The following PCDHA9 variants were observed in gnomAD, a reference collection of about 807,000 sequenced individuals.
PCDHA9 encodes protocadherin alpha-9.
PCDHA9 carries 62 observed loss-of-function variants against 62.0 expected under a neutral mutation model. The ratio of observed to expected loss-of-function variants is 1.00; its 90% confidence interval spans 0.81 to 1.23. PCDHA9 has a LOEUF of 1.23. PCDHA9 is among the 50% of genes most tolerant of loss of function. The pLI is 0.00. For missense variants in PCDHA9, 1,205 were observed against 1,249.8 expected (o/e 0.96, Z 0.54); for synonymous variants, 557 against 567.6 (o/e 0.98, Z 0.27).
At position 140,941,202 on chromosome 5, in the gene PCDHA9, C is replaced by CCCTTCTTTCTTTCTTT. The variant is rs2092811279; in HGVS notation, c.2395-37746_2395-37745insCTTCTTTCTTTCTTTC. Among the ~76,000 whole-genome samples, 5 of 122,742 alleles carry CCCTTCTTTCTTTCTTT rather than the reference C, an allele frequency of 4.1e-5. No homozygotes were observed. The East Asian group carries it at 1.1e-3, about 27-fold the overall frequency. 80.5% of individuals were successfully genotyped at this position (122,742 alleles called of 152,430 possible). On this transcript the variant is annotated intron_variant, in intron 1 of 3. Transcript: ENST00000532602. ...TCCTGCTTCTTTTTTTTTCTTTCTTCCTTTCTTTCTTCCTTTCTTTCTTTC... is the reference window on the plus strand; with the variant it reads ...TCCTGCTTCTTTTTTTTTCTTTCTTCCCTTCTTTCTTTCTTTCTTTCTTTCTTCCTTTCTTTCTTTC...
intron 1 of PCDHA9, among the ~76,000 whole-genome samples, chr5:140,949,776 A>G (rs1554219139): frequency 6.6e-6 from 1 of 151,716 alleles, no homozygotes; most frequent in Non-Finnish European, 1.5e-5. Flanking sequence ...AATATTTGAT[A>G]TGTTTAGATT....
chr5:140,927,453 G>T, intron 1 of PCDHA9: 3 of 1,614,168 alleles, frequency 1.9e-6, no homozygotes, highest in Non-Finnish European at 2.5e-6. Context: ...AGTTGGTGTT[G>T]GAGAAAGCAC....
Position 140,848,532 on chromosome 5 carries a change from C to T in PCDHA9, c.37C>T (p.Pro13Ser). The stretch of plus-strand genomic sequence containing the variant: ...AAGTCGAGGAGATCCAGAGGGTCAG[C>T]CTCTACTGCTCTCGCTTCTGATCCT... ...YSSRGDPEGQ[P>S]LLLSLLILAM... Residue 13 changes from proline (P) to serine (S), a missense_variant, in exon 1 of 4, where the codon CCT becomes TCT. Coordinates refer to ENST00000532602, the MANE Select transcript of PCDHA9 (RefSeq NM_031857.2). The T allele has an allele frequency of 1.3e-6, 2 of 1,594,974 alleles. No homozygotes were observed. Among genetic ancestry groups the T allele is most frequent in the Non-Finnish European group, 1.7e-6 (2 of 1,165,136 alleles).
In PCDHA9 at chr5:140,927,773, A is replaced by G. The variant is rs143568645; in HGVS notation, c.2395-51176A>G. ...GTGCACCCTAAAAGTGGGGAGGTGC[A>G]AGTAGCTGCTTCACTAGGTCCGCCT... is the stretch of plus-strand genomic sequence containing the variant. On this transcript the variant is annotated intron_variant, in intron 1 of 3. Coordinates refer to ENST00000532602, the MANE Select transcript of PCDHA9 (RefSeq NM_031857.2). 201 of 1,614,196 alleles carry G rather than the reference A, an allele frequency of 1.2e-4. 4 individuals carry two copies. In the Middle Eastern group the frequency reaches 2.1e-3, roughly 17 times the overall value.
At chr5:140,980,149 A>G (rs1287895980) in intron 2 of PCDHA9, among the ~76,000 whole-genome samples, 1 of 152,184 alleles carries the variant, frequency 6.6e-6, no homozygotes, top group East Asian at 1.9e-4. Flanking sequence ...ATTCATGCAT[A>G]TACCAGAATA....
chr5:140,986,373 G>A (rs376031401), intron 3 of PCDHA9, among the ~76,000 whole-genome samples: 26 of 152,280 alleles, frequency 1.7e-4, no homozygotes, highest in South Asian at 4.1e-4. Context: ...TGCGTTTTGG[G>A]GGGAGGGACA....
intron 1 of PCDHA9, among the ~76,000 whole-genome samples, chr5:140,890,900 A>G (rs1554184581): frequency 6.6e-6 from 1 of 151,984 alleles, no homozygotes; most frequent in Admixed American, 6.6e-5. Flanking sequence ...TTGTCTTTCC[A>G]TGTTAGAATA....
At chr5:140,967,144 C>T (rs1042081336) in intron 1 of PCDHA9, 9 of 1,611,144 alleles carry the variant, frequency 5.6e-6, no homozygotes, top group Non-Finnish European at 7.6e-6. Context: ...TGCTGGCGCA[C>T]AACCCCGTGG....
At chr5:140,871,412 C>T (rs891491030) in intron 1 of PCDHA9, 2 of 1,613,976 alleles carry the variant, frequency 1.2e-6, no homozygotes, top group Non-Finnish European at 1.7e-6. Flanking sequence ...GACCTCATGG[C>T]CTTCAGCCCC....
intron 1 of PCDHA9, chr5:140,881,244 C>A (rs1219638908): frequency 4.8e-5 from 19 of 396,890 alleles, no homozygotes; most frequent in Non-Finnish European, 6.2e-5. Context: ...ATTTAAATGA[C>A]GGCAAGGTTT....
intron 1 of PCDHA9, among the ~76,000 whole-genome samples, chr5:140,888,192 A>G (rs906159358): frequency 4.6e-5 from 7 of 152,120 alleles, no homozygotes; most frequent in Non-Finnish European, 8.8e-5. Context: ...TGAATTTTAC[A>G]TTGTCGGATG....
intron 1 of PCDHA9, among the ~76,000 whole-genome samples, chr5:140,952,443 C>T (rs1264311770): frequency 6.6e-6 from 1 of 152,128 alleles, no homozygotes; most frequent in East Asian, 1.9e-4. Flanking sequence ...AGGCATAATA[C>T]AGCCAGGCTC....
chr5:140,877,831 C>T (rs1226856696), intron 1 of PCDHA9: 5 of 1,592,698 alleles, frequency 3.1e-6, no homozygotes, highest in Non-Finnish European at 4.3e-6. Context: ...TTTAAATCCT[C>T]CCAGTGAAGT....
intron 1 of PCDHA9, chr5:140,869,778 C>G (rs782226363): frequency 6.2e-7 from 1 of 1,612,924 alleles, no homozygotes. Flanking sequence ...TTACTGGCAC[C>G]GTTCGGCTGT....
chr5:140,878,899 G>A (rs1301967468), intron 1 of PCDHA9, among the ~76,000 whole-genome samples: 2 of 152,152 alleles, frequency 1.3e-5, no homozygotes, highest in African/African-American at 4.8e-5. Flanking sequence ...CTACAGGCAG[G>A]CTCCACCACT....
Position 140,985,833 on chromosome 5 carries a change from G to A in PCDHA9, c.2542+3270G>A, listed in dbSNP as rs1458914557. Among the ~76,000 whole-genome samples the A allele has an allele frequency of 2.8e-5, 4 of 143,674 alleles. No homozygotes were observed. In the East Asian group the frequency reaches 6.5e-4, roughly 23 times the overall value. The allele number at this position is 143,674 out of a possible 152,430, so 94.3% of individuals were successfully genotyped here. A position where few individuals can be genotyped will look rare whatever the true frequency, so the allele number is the denominator to read the frequency against. ...CAGCTCACAACAAGCTCTGCCTCCC[G>A]GGTTCATGCCACTCTCCTGCCTCAG... On this transcript the variant is annotated intron_variant, in intron 3 of 3. Coordinates refer to ENST00000532602, the MANE Select transcript of PCDHA9 (RefSeq NM_031857.2).
intron 1 of PCDHA9, among the ~76,000 whole-genome samples, chr5:140,936,021 T>TA (rs2090725097): frequency 1.3e-5 from 2 of 151,374 alleles, no homozygotes; most frequent in African/African-American, 4.9e-5. Flanking sequence ...GCCTCCCGAG[T>TA]AGCGGGGATT....
In PCDHA9 at chr5:140,849,954, A is replaced by G; in HGVS notation, c.1459A>G (p.Asn487Asp). ...VSARDADAQENALVSYSLVER... is the reference protein window; with the variant it reads ...VSARDADAQEDALVSYSLVER... Reference sequence around the variant, plus strand: ...TGCGCGGGACGCTGACGCGCAGGAGAACGCCCTGGTGTCCTACTCGCTGGT... The same window carrying G: ...TGCGCGGGACGCTGACGCGCAGGAGGACGCCCTGGTGTCCTACTCGCTGGT... Residue 487 changes from asparagine (N) to aspartate (D), a missense_variant, in exon 1 of 4, where the codon AAC becomes GAC. By Grantham distance (23) the Asn-to-Asp change is conservative. Coordinates refer to ENST00000532602, the MANE Select transcript of PCDHA9 (RefSeq NM_031857.2). 1 of 1,597,790 alleles carries G rather than the reference A, an allele frequency of 6.3e-7. No homozygotes were observed. Among genetic ancestry groups the G allele is most frequent in the Non-Finnish European group, 8.6e-7 (1 of 1,167,856 alleles).
intron 1 of PCDHA9, chr5:140,871,449 G>T (rs782722272): frequency 2.7e-5 from 43 of 1,608,644 alleles, no homozygotes; most frequent in Non-Finnish European, 3.7e-5. Flanking sequence ...TGAATAAAGA[G>T]GAGGAAGGGG....
Sources: allele counts gnomAD v4.1 joint callset (sites outside exome capture counted in the v4.1 genomes callset), GRCh38; gene constraint gnomAD v4.1.1; transcripts MANE v1.5; gene names NCBI Gene and HGNC (gene_info 2026-07-23, HGNC 2026-07-21).